The following DPYD variants were observed in gnomAD, a reference collection of about 807,000 sequenced individuals.
DPYD encodes the protein dihydropyrimidine dehydrogenase [NADP(+)].
In DPYD, 109 loss-of-function variants were observed where a neutral mutation model predicts 116.2. The ratio of observed to expected loss-of-function variants is 0.94; its 90% CI spans 0.80 to 1.10. The LOEUF is 1.10. Among genes scored for constraint, DPYD ranks in the 50% least tolerant of loss-of-function variants. The pLI is 0.00. For missense variants in DPYD, 1,302 were observed against 1,254.5 expected, an observed-to-expected ratio of 1.04 and a Z score of -0.57; for synonymous variants, 440 against 432.0, an observed-to-expected ratio of 1.02 and a Z score of -0.23.
intron 21 of DPYD, among the ~76,000 whole-genome samples, chr1:97,089,827 GTTTT>G (rs112112819): frequency 0.69 from 86,559 of 126,344 alleles, 27,806 homozygotes; most frequent in East Asian, 0.94. Flanking sequence ...CATTTTGTTT[GTTTT>G]TTTTTTTTTT....
At chr1:97,316,222 G>T (rs1177315950) in intron 16 of DPYD, among the ~76,000 whole-genome samples, 1 of 151,820 alleles carries the variant, frequency 6.6e-6, no homozygotes, top group Non-Finnish European at 1.5e-5. Flanking sequence ...GGGCACATTG[G>T]CTCATGCCTG....
At chr1:97,478,217 G>A (rs1213355445) in intron 13 of DPYD, among the ~76,000 whole-genome samples, 1 of 152,148 alleles carries the variant, frequency 6.6e-6, no homozygotes, top group Admixed American at 6.5e-5. Flanking sequence ...AAATAGATGT[G>A]CTGTCATCCA....
intron 21 of DPYD, among the ~76,000 whole-genome samples, chr1:97,096,917 T>C (rs1048417938): frequency 1.3e-5 from 2 of 152,112 alleles, no homozygotes; most frequent in African/African-American, 4.8e-5. Flanking sequence ...TAACACTCAC[T>C]GCGAAGGTCC....
At chr1:97,894,520 T>G (rs1672952744) in intron 1 of DPYD, among the ~76,000 whole-genome samples, 1 of 151,758 alleles carries the variant, frequency 6.6e-6, no homozygotes, top group African/African-American at 2.4e-5. Context: ...CATTTTATTT[T>G]ATCAAGAAGA....
chr1:97,507,246 T>C (rs908939860), intron 13 of DPYD, among the ~76,000 whole-genome samples: 56 of 152,024 alleles, frequency 3.7e-4, no homozygotes, highest in African/African-American at 4.8e-5. Context: ...ACTATTAGTA[T>C]ACAGAAGTCA....
At chr1:97,682,469 G>T (rs1228052362) in intron 7 of DPYD, among the ~76,000 whole-genome samples, 1 of 151,912 alleles carries the variant, frequency 6.6e-6, no homozygotes. Flanking sequence ...AAAAGCCTGA[G>T]GCCCCAAATA....
At chr1:97,532,683 G>A (rs552293071) in intron 12 of DPYD, among the ~76,000 whole-genome samples, 1 of 151,982 alleles carries the variant, frequency 6.6e-6, no homozygotes, top group East Asian at 1.9e-4. Flanking sequence ...TTATGGTCTT[G>A]CTTTTTATTT....
At chr1:97,508,599 T>G (rs1647537753) in intron 13 of DPYD, among the ~76,000 whole-genome samples, 1 of 152,000 alleles carries the variant, frequency 6.6e-6, no homozygotes, top group South Asian at 2.1e-4. Flanking sequence ...TCAGTGTAAA[T>G]GCTCAGGCTG....
intron 14 of DPYD, among the ~76,000 whole-genome samples, chr1:97,389,199 T>C (rs1210474517): frequency 1.3e-5 from 2 of 151,562 alleles, no homozygotes; most frequent in East Asian, 2.0e-4. Flanking sequence ...TCCCAGCTAC[T>C]CAGGAGGCTG....
chr1:97,604,556 A>C (rs1571044148), intron 8 of DPYD, among the ~76,000 whole-genome samples: 1 of 142,968 alleles, frequency 7.0e-6, no homozygotes, highest in Admixed American at 6.7e-5. Context: ...TAATTTCATA[A>C]GTTTTCCAAA....
chr1:97,667,021 T>C (rs1659603021), intron 8 of DPYD, among the ~76,000 whole-genome samples: 2 of 152,170 alleles, frequency 1.3e-5, no homozygotes, highest in Non-Finnish European at 2.9e-5. Context: ...TTAAATAAAG[T>C]TTTATTGGCA....
chr1:97,495,804 T>A (rs1386575639), intron 13 of DPYD, among the ~76,000 whole-genome samples: 18 of 152,096 alleles, frequency 1.2e-4, no homozygotes, highest in Admixed American at 1.2e-3. Flanking sequence ...TCTATGTTAG[T>A]TTTAGATCTA....
chr1:97,547,218 T>C (rs1650963056), intron 12 of DPYD, among the ~76,000 whole-genome samples: 1 of 151,978 alleles, frequency 6.6e-6, no homozygotes, highest in South Asian at 2.1e-4. Context: ...AAATCCTTTG[T>C]TATTATTAAA....
chr1:97,639,503 A>G (rs1459862865), intron 8 of DPYD, among the ~76,000 whole-genome samples: 2 of 151,842 alleles, frequency 1.3e-5, no homozygotes, highest in Non-Finnish European at 2.9e-5. Flanking sequence ...TAAATTTTGG[A>G]AAAAAAATGT....
chr1:97,670,538 C>T (rs148404384), intron 8 of DPYD, among the ~76,000 whole-genome samples: 1,996 of 152,266 alleles, frequency 0.013, 22 homozygotes, highest in Middle Eastern at 0.024. Context: ...TTCACCAGAA[C>T]CCAGCCATGC....
At chr1:97,848,129 G>A (rs1033705930) in intron 2 of DPYD, among the ~76,000 whole-genome samples, 10 of 151,992 alleles carry the variant, frequency 6.6e-5, no homozygotes, top group Non-Finnish European at 1.5e-4. Context: ...ACGGAGTCTC[G>A]CTCTATCACC....
intron 18 of DPYD, among the ~76,000 whole-genome samples, 192 bp from the exon 19 acceptor site, chr1:97,235,186 A>G (rs966355507): frequency 5.3e-5 from 8 of 152,338 alleles, no homozygotes; most frequent in East Asian, 1.9e-4. Flanking sequence ...TTGTTAATGG[A>G]TGTTTATTTA....
chr1:97,757,460 A>G (rs1017402188), intron 3 of DPYD, among the ~76,000 whole-genome samples: 1 of 152,172 alleles, frequency 6.6e-6, no homozygotes, highest in South Asian at 2.1e-4. Context: ...GATGAGGGCA[A>G]GGAAAATGCC....
chr1:97,720,845 G>A (rs1662881798), intron 5 of DPYD: 2 of 1,602,916 alleles, frequency 1.2e-6, no homozygotes. Flanking sequence ...ACTCCAAATA[G>A]GAGACGTCAG....
Sources: allele counts gnomAD v4.1 joint callset (sites outside exome capture counted in the v4.1 genomes callset), GRCh38; gene constraint gnomAD v4.1.1; transcripts MANE v1.5; gene names NCBI Gene and HGNC (gene_info 2026-07-23, HGNC 2026-07-21).